The following BAAT variants were observed in gnomAD, a reference collection of about 807,000 sequenced individuals.
The protein encoded by BAAT is bile acid CoA: amino acid N-acyltransferase (glycine N-choloyltransferase).
A neutral mutation model predicts 18.9 loss-of-function variants in BAAT; 13 were observed. The observed-to-expected ratio is 0.69, with a 90% CI of 0.45 to 1.10. The LOEUF (loss-of-function observed/expected upper bound fraction) is 1.10, where lower values mean the gene tolerates loss of function less well. Ranked by LOEUF, BAAT falls within the 50% of genes least tolerant of loss-of-function variation. BAAT has a pLI of 0.00. For synonymous variants in BAAT, 170 were observed against 190.7 expected, an observed-to-expected ratio of 0.89 and a Z score of 0.89; for missense variants, 489 against 504.0, an observed-to-expected ratio of 0.97 and a Z score of 0.28.
chr9:101,375,685 G>C (rs943985516), intron 1 of BAAT: 1 of 154,778 alleles, frequency 6.5e-6, no homozygotes, highest in Non-Finnish European at 1.4e-5. Context: ...GGCGAACTGG[G>C]AGGAATGCAC....
chr9:101,369,438 A>C (rs572264269), intron 2 of BAAT, among the ~76,000 whole-genome samples: 110 of 152,286 alleles, frequency 7.2e-4, no homozygotes, highest in African/African-American at 2.6e-3. Context: ...ACAGTCATGA[A>C]ATATTTGTGA....
chr9:101,366,737 C>T (rs1421553914), intron 3 of BAAT, among the ~76,000 whole-genome samples: 3 of 151,960 alleles, frequency 2.0e-5, no homozygotes, highest in East Asian at 3.8e-4. Context: ...AAAATGTTCA[C>T]TACATCAGTA....
chr9:101,371,396 C>A lies in BAAT; in HGVS notation c.9G>T (p.Gln3His), dbSNP rs149369902. The A allele has an allele frequency of 3.1e-6, 5 of 1,609,596 alleles. No individual in the cohort carries two copies. Among genetic ancestry groups the A allele is most frequent in the Non-Finnish European group, 4.2e-6 (5 of 1,179,960 alleles). Residue 3 changes from glutamine (Q) to histidine (H), a missense_variant, in exon 2 of 4, where the codon CAG becomes CAT. By Grantham distance (24) the Gln-to-His change is conservative (BLOSUM62 0). Coordinates refer to ENST00000259407, the MANE Select transcript of BAAT (RefSeq NM_001701.4). The stretch of plus-strand genomic sequence containing the variant: ...GTGCACTCACAGGGGTAGCTGTCAA[C>A]TGGATCATTTTTTTAGTGTGGCACC... MI[Q>H]LTATPVSALV...
In BAAT at chr9:101,362,702, T is replaced by C. The variant is rs1588138033; in HGVS notation, c.983A>G (p.Asp328Gly). 1 of 1,614,210 alleles carries C rather than the reference T, an allele frequency of 6.2e-7. No homozygotes were observed. ...GTGTGCTTTGCTGTTGATAGTCTTA[T>C]CACCTTCTCCTACAATGAAGAGGAA... ...GQFLFIVGEG[D>G]KTINSKAHAE... The change falls in exon 4 of 4, where the codon GAT becomes GGT. Residue 328 changes from aspartate (D) to glycine (G), a missense_variant. Coordinates refer to ENST00000259407, the MANE Select transcript of BAAT (RefSeq NM_001701.4).
Position 101,362,745 on chromosome 9 carries a change from CA to C in BAAT, c.939del (p.Ile313MetfsTer12). ...AAGAGGAATTGCCCCTGGGCCTCTT[CA>C]ATAGGAAACAAATATTGACTGGCCC... Reference protein sequence around the residue: ...QVGASQYLFPIEEAQGQFLFI... With the variant: ...QVGASQYLFPXEEAQGQFLFI... On this transcript the variant is annotated frameshift_variant, in exon 4 of 4. Transcript: ENST00000259407. LOFTEE classifies it low-confidence loss of function (END_TRUNC). 6.2e-7 allele frequency: 1 copy of C among 1,614,152 alleles called. No individual in the cohort carries two copies. Among genetic ancestry groups the C allele is most frequent in the Non-Finnish European group, 8.5e-7 (1 of 1,180,040 alleles).
intron 1 of BAAT, among the ~76,000 whole-genome samples, chr9:101,382,597 C>G (rs1040635385): frequency 6.6e-6 from 1 of 152,162 alleles, no homozygotes; most frequent in African/African-American, 2.4e-5. Context: ...CTTTCCTGTT[C>G]TAAAGCTTTT....
intron 1 of BAAT, among the ~76,000 whole-genome samples, chr9:101,378,204 TA>T (rs1288817475): frequency 6.6e-6 from 1 of 151,776 alleles, no homozygotes; most frequent in Non-Finnish European, 1.5e-5. Context: ...AATTCAATAC[TA>T]TTCACAGAAC....
rs1829943076 is a variant in BAAT at position 101,371,420 on chromosome 9, C to G, written c.-16G>C. On this transcript the variant is annotated 5_prime_UTR_variant, in exon 2 of 4. Coordinates refer to ENST00000259407, the MANE Select transcript of BAAT (RefSeq NM_001701.4). ...ACTGGATCATTTTTTTAGTGTGGCA[C>G]CTGGGATGATTCTTCAGGAATATCT... 4.4e-6 allele frequency: 7 copies of G among 1,599,266 alleles called. No individual in the cohort carries two copies. The highest frequency in any genetic ancestry group is 6.0e-6 in the Non-Finnish European group (7 of 1,175,576).
intron 2 of BAAT, 124 bp downstream of exon 2, chr9:101,370,815 G>A (rs1829922595): frequency 8.8e-7 from 1 of 1,130,898 alleles, no homozygotes; most frequent in Non-Finnish European, 1.3e-6. Flanking sequence ...TGCATTTAAG[G>A]TGGAAAAACA....
At chr9:101,372,050 A>C (rs1829957316) in intron 1 of BAAT, among the ~76,000 whole-genome samples, 1 of 152,168 alleles carries the variant, frequency 6.6e-6, no homozygotes, top group African/African-American at 2.4e-5. Flanking sequence ...GAACTAATGA[A>C]GAAACAGATA....
chr9:101,371,523 T>C (rs564584347), intron 1 of BAAT, 60 bp from the exon 2 acceptor site: 83 of 1,064,634 alleles, frequency 7.8e-5, no homozygotes, highest in Non-Finnish European at 1.1e-4. Flanking sequence ...TGATGAAAGG[T>C]GAATTGAATC....
chr9:101,361,522 T>C lies in BAAT; in HGVS notation c.*906A>G, dbSNP rs1829723825. On this transcript the variant is annotated 3_prime_UTR_variant, in exon 4 of 4. Transcript: ENST00000259407. ...TTATTTATGGGATGTACAGTAACTA[T>C]TGGGTCTTACGGAAATATAGTACCT... is the stretch of plus-strand genomic sequence containing the variant. 1 of 152,634 alleles carries C rather than the reference T, an allele frequency of 6.6e-6. No homozygotes were observed. Among genetic ancestry groups the C allele is most frequent in the African/African-American group, 2.4e-5 (1 of 41,456 alleles). 9.5% of individuals were successfully genotyped at this position (152,634 alleles called of 1,614,324 possible). A position where few individuals can be genotyped will look rare whatever the true frequency, so the allele number is the denominator to read the frequency against.
intron 1 of BAAT, among the ~76,000 whole-genome samples, chr9:101,378,628 A>G (rs1443950146): frequency 6.6e-6 from 1 of 152,246 alleles, no homozygotes; most frequent in Non-Finnish European, 1.5e-5. Flanking sequence ...TAAAAACCCT[A>G]GAAGAAAACC....
chr9:101,367,467 C>T (rs1161092505), intron 3 of BAAT, among the ~76,000 whole-genome samples: 1 of 151,530 alleles, frequency 6.6e-6, no homozygotes, highest in Non-Finnish European at 1.5e-5. Flanking sequence ...CTTAGTATTG[C>T]CAGGTTCTAT....
chr9:101,372,102 A>G (rs1000875847), intron 1 of BAAT, among the ~76,000 whole-genome samples: 7 of 152,150 alleles, frequency 4.6e-5, no homozygotes, highest in Admixed American at 2.6e-4. Context: ...GGAGCTAAAC[A>G]TTGGGTACAC....
intron 2 of BAAT, among the ~76,000 whole-genome samples, chr9:101,369,699 C>A (rs985148077): frequency 2.6e-5 from 4 of 152,116 alleles, no homozygotes; most frequent in Admixed American, 2.0e-4. Flanking sequence ...ATAAAGTGGT[C>A]TATATGCTAT....
Position 101,368,341 on chromosome 9 carries a change from G to C in BAAT, c.467-19C>G, listed in dbSNP as rs920442695. On this transcript the variant is annotated intron_variant, in intron 2 of 3. Transcript: ENST00000259407. The stretch of plus-strand genomic sequence containing the variant: ...CCCTCTCCTGAAAAATAACAAAACA[G>C]AATTGTACATGAAGAGAAGGTGTGG... 6.2e-7 allele frequency: 1 copy of C among 1,605,732 alleles called. No individual in the cohort carries two copies. Among genetic ancestry groups the C allele is most frequent in the Non-Finnish European group, 8.5e-7 (1 of 1,175,642 alleles).
chr9:101,370,066 C>T (rs531009033), intron 2 of BAAT, among the ~76,000 whole-genome samples: 1 of 152,204 alleles, frequency 6.6e-6, no homozygotes, highest in East Asian at 1.9e-4. Context: ...ATCTTATCTC[C>T]AGCTTGTTGT....
At chr9:101,379,819 G>A (rs1001022122) in intron 1 of BAAT, among the ~76,000 whole-genome samples, 1 of 152,062 alleles carries the variant, frequency 6.6e-6, no homozygotes, top group Non-Finnish European at 1.5e-5. Flanking sequence ...TGTTGTTGTT[G>A]TTCTGGCATA....
Sources: gnomAD v4.1 joint callset for allele counts (sites outside exome capture counted in the v4.1 genomes callset) on GRCh38, gnomAD v4.1.1 for gene constraint, MANE v1.5 for transcripts, NCBI Gene and HGNC (gene_info 2026-07-23, HGNC 2026-07-21) for gene names.